PYHIN1: variants seen among roughly 807,000 people sequenced by gnomAD.
PYHIN1 encodes the protein pyrin and HIN domain family member 1.
PYHIN1 carries 32 observed loss-of-function variants against 43.7 expected under a neutral mutation model. That is an observed-to-expected ratio of 0.73 (90% CI 0.55 to 0.98). The LOEUF (loss-of-function observed/expected upper bound fraction) is 0.98, where lower values mean the gene tolerates loss of function less well. Ranked by LOEUF, PYHIN1 falls within the 50% of genes least tolerant of loss-of-function variation. PYHIN1 has a pLI of 0.00. For missense variants in PYHIN1, 588 were observed against 589.5 expected (o/e 1.00, Z 0.03); for synonymous variants, 205 against 203.1 (o/e 1.01, Z -0.08).
At chr1:158,965,285 A>C (rs1339288522) in intron 7 of PYHIN1, among the ~76,000 whole-genome samples, 1 of 152,220 alleles carries the variant, frequency 6.6e-6, no homozygotes, top group Non-Finnish European at 1.5e-5. Flanking sequence ...CACATACAAT[A>C]ATAGTGGGAG....
In PYHIN1 at chr1:158,941,972, C is replaced by T. The variant is rs146109767; in HGVS notation, c.580-5C>T. 2,526 of 1,583,360 alleles carry T rather than the reference C, an allele frequency of 1.6e-3. 46 individuals carry two copies. The African/African-American group carries it at 0.031, about 19-fold the overall frequency. The stretch of plus-strand genomic sequence containing the variant: ...TTTTTTGTATTCCTTTTGTATCATG[C>T]GCAGAGCCTAAAACCATTGGCCAAC... On this transcript the variant is annotated splice_region_variant and splice_polypyrimidine_tract_variant and intron_variant, in intron 4 of 8. Transcript: ENST00000368140.
At chr1:158,945,295 G>A (rs1286585102) in intron 7 of PYHIN1, 2 of 304,462 alleles carry the variant, frequency 6.6e-6, no homozygotes, top group Non-Finnish European at 1.2e-5. Flanking sequence ...CCACCTATGG[G>A]AGGGGTAATG....
chr1:158,971,356 G>A (rs958375965), intron 7 of PYHIN1, among the ~76,000 whole-genome samples: 23 of 151,900 alleles, frequency 1.5e-4, no homozygotes, highest in Non-Finnish European at 1.3e-4. Context: ...ACGTCCTTAA[G>A]TGCTTTCCTT....
the PYHIN1 span, among the ~76,000 whole-genome samples, chr1:158,987,341 T>C: frequency 6.6e-6 from 1 of 152,242 alleles, no homozygotes; most frequent in Non-Finnish European, 1.5e-5. Flanking sequence ...AAAATACTTA[T>C]TGGCTGTTTG....
At chr1:158,932,339 G>T (rs1318346284) in intron 1 of PYHIN1, among the ~76,000 whole-genome samples, 1 of 152,108 alleles carries the variant, frequency 6.6e-6, no homozygotes, top group Non-Finnish European at 1.5e-5. Flanking sequence ...GGGTTGGAAG[G>T]CTATCTATCT....
chr1:158,966,951 A>G (rs1327568416), intron 7 of PYHIN1, among the ~76,000 whole-genome samples: 2 of 152,154 alleles, frequency 1.3e-5, no homozygotes, highest in South Asian at 2.1e-4. Context: ...AAAATCCTGT[A>G]TTTAGAAAAA....
At chr1:158,981,214 T>C (rs965026307), downstream of PYHIN1, among the ~76,000 whole-genome samples, 1 of 152,116 alleles carries the variant, frequency 6.6e-6, no homozygotes, top group Non-Finnish European at 1.5e-5. Flanking sequence ...GCAATAAGCA[T>C]ACACATGTAC....
the PYHIN1 span, among the ~76,000 whole-genome samples, chr1:158,984,487 T>C: frequency 6.6e-6 from 1 of 152,200 alleles, no homozygotes; most frequent in African/African-American, 2.4e-5. Flanking sequence ...ATTTGTATTT[T>C]TGTTGCACTG....
chr1:158,952,188 C>T (rs1247190354), intron 7 of PYHIN1, among the ~76,000 whole-genome samples: 1 of 151,226 alleles, frequency 6.6e-6, no homozygotes, highest in Non-Finnish European at 1.5e-5. Flanking sequence ...CCTCCTGCCC[C>T]TCCCCAGCAG....
chr1:158,990,239 T>C, the PYHIN1 span, among the ~76,000 whole-genome samples: 85 of 151,216 alleles, frequency 5.6e-4, no homozygotes, highest in Admixed American at 1.2e-3. Context: ...ACCTTGCATT[T>C]AATAGAAAGA....
intron 1 of PYHIN1, among the ~76,000 whole-genome samples, chr1:158,934,478 T>C (rs1487283711): frequency 6.6e-6 from 1 of 152,206 alleles, no homozygotes; most frequent in Non-Finnish European, 1.5e-5. Flanking sequence ...AATCTAATTT[T>C]TGGATCTTTG....
intron 7 of PYHIN1, among the ~76,000 whole-genome samples, chr1:158,963,942 G>T (rs1048949347): frequency 2.0e-5 from 3 of 152,138 alleles, no homozygotes; most frequent in African/African-American, 7.2e-5. Flanking sequence ...TAAGATAATT[G>T]ACATTCAAGA....
intron 7 of PYHIN1, among the ~76,000 whole-genome samples, chr1:158,965,223 G>T (rs1281211407): frequency 1.3e-5 from 2 of 152,004 alleles, no homozygotes; most frequent in African/African-American, 4.8e-5. Flanking sequence ...CAACACAGGA[G>T]CACCTAGACT....
chr1:158,976,824 C>A lies in PYHIN1; in HGVS notation c.*129C>A. ...GTAATGATGTTTATGAAGATAAGAT[C>A]AAAGCACAGAAAATAATATATGTAT... On this transcript the variant is annotated 3_prime_UTR_variant, in exon 9 of 9. Coordinates refer to ENST00000368140, the MANE Select transcript of PYHIN1 (RefSeq NM_152501.5). 1 of 652,736 alleles carries A rather than the reference C, an allele frequency of 1.5e-6. No individual in the cohort carries two copies. The highest frequency in any genetic ancestry group is 2.6e-6 in the Non-Finnish European group (1 of 380,164). 40.4% of individuals were successfully genotyped at this position (652,736 alleles called of 1,614,324 possible).
chr1:158,934,543 T>C (rs911928285), intron 1 of PYHIN1, among the ~76,000 whole-genome samples: 6 of 152,200 alleles, frequency 3.9e-5, no homozygotes, highest in African/African-American at 1.4e-4. Flanking sequence ...ATTTGTTTTT[T>C]ATGTTCTTCA....
chr1:158,958,944 A>G (rs1203756566), intron 7 of PYHIN1, among the ~76,000 whole-genome samples: 2 of 151,660 alleles, frequency 1.3e-5, no homozygotes, highest in East Asian at 1.9e-4. Flanking sequence ...GGCTGTTTCA[A>G]TACTTTTATA....
chr1:158,962,669 G>A (rs1046843583), intron 7 of PYHIN1, among the ~76,000 whole-genome samples: 14 of 152,132 alleles, frequency 9.2e-5, no homozygotes, highest in African/African-American at 3.4e-4. Flanking sequence ...GAAACAAAGG[G>A]CCTGGTCACT....
At chr1:158,946,127 A>T (rs861319) in intron 7 of PYHIN1, among the ~76,000 whole-genome samples, 7 of 152,174 alleles carry the variant, frequency 4.6e-5, no homozygotes, top group African/African-American at 1.7e-4. Flanking sequence ...ATATGTTTGC[A>T]TAGCCCAGGC....
At chr1:158,946,982 A>G (rs936067425) in intron 7 of PYHIN1, among the ~76,000 whole-genome samples, 1 of 152,162 alleles carries the variant, frequency 6.6e-6, no homozygotes, top group East Asian at 1.9e-4. Context: ...TGAAGAACTC[A>G]TTTCCATATG....
Sources: allele counts gnomAD v4.1 joint callset (sites outside exome capture counted in the v4.1 genomes callset), GRCh38; gene constraint gnomAD v4.1.1; transcripts MANE v1.5; gene names NCBI Gene and HGNC (gene_info 2026-07-23, HGNC 2026-07-21).